Variants in YPEL5 observed in about 807,000 individuals in gnomAD.
YPEL5 encodes the protein yippee like 5, also known as protein yippee-like 5.
In YPEL5, 1 loss-of-function variant was observed where a neutral mutation model predicts 10.5. That is an observed-to-expected ratio of 0.10 (90% CI 0.03 to 0.45). The LOEUF is 0.45. Ranked by LOEUF, YPEL5 falls within the 20% of genes least tolerant of loss-of-function variation. The pLI, the probability that YPEL5 is intolerant of heterozygous loss-of-function variation, is 0.97. For missense variants in YPEL5, 68 were observed against 159.3 expected, an observed-to-expected ratio of 0.43 and a Z score of 3.09; for synonymous variants, 61 against 56.6, an observed-to-expected ratio of 1.08 and a Z score of -0.35.
At chr2:30,150,604 A>G (rs1269349053) in intron 1 of YPEL5, among the ~76,000 whole-genome samples, 1 of 152,204 alleles carries the variant, frequency 6.6e-6, no homozygotes, top group Non-Finnish European at 1.5e-5. Flanking sequence ...TGGTTACGGA[A>G]AGTTAAGGAT....
At chr2:30,155,003 T>A (rs569978126) in intron 1 of YPEL5, among the ~76,000 whole-genome samples, 2 of 152,124 alleles carry the variant, frequency 1.3e-5, no homozygotes, top group Non-Finnish European at 2.9e-5. Context: ...ACTCACAAAG[T>A]GCTGGGATTA....
At chr2:30,156,562 AC>A (rs1485469088) in intron 1 of YPEL5, 65 bp from the exon 2 acceptor site, 11 of 1,457,628 alleles carry the variant, frequency 7.5e-6, no homozygotes, top group Admixed American at 1.9e-5. Context: ...TCTCTATGAC[AC>A]CCCCCAAGTA....
intron 1 of YPEL5, chr2:30,156,283 C>T (rs1204174290): frequency 1.1e-5 from 2 of 189,124 alleles, no homozygotes; most frequent in East Asian, 2.6e-4. Context: ...CCTTTTTTCT[C>T]ACCTCTCTGC....
At chr2:30,149,797 C>CTGA (rs1310185088) in intron 1 of YPEL5, among the ~76,000 whole-genome samples, 1 of 152,224 alleles carries the variant, frequency 6.6e-6, no homozygotes, top group Non-Finnish European at 1.5e-5. Context: ...GTCCCATCTT[C>CTGA]TGATGCAATG....
Position 30,160,519 on chromosome 2 carries a change from A to G in YPEL5, c.*1676A>G, listed in dbSNP as rs1272891375. On this transcript the variant is annotated 3_prime_UTR_variant, in exon 3 of 3. Transcript: ENST00000261353. ...TGTGCATTTGCTGTCACAATAAAGTATATTTTGTCTTGCATTGATGCAGTA... is the reference window on the plus strand; with the variant it reads ...TGTGCATTTGCTGTCACAATAAAGTGTATTTTGTCTTGCATTGATGCAGTA... The G allele has an allele frequency of 2.0e-5, 3 of 152,234 alleles. No homozygotes were observed. The highest frequency in any genetic ancestry group is 4.4e-5 in the Non-Finnish European group (3 of 68,030). 9.4% of individuals were successfully genotyped at this position (152,234 alleles called of 1,614,324 possible).
At chr2:30,149,607 T>G (rs1675684380) in intron 1 of YPEL5, among the ~76,000 whole-genome samples, 1 of 152,264 alleles carries the variant, frequency 6.6e-6, no homozygotes, top group Admixed American at 6.5e-5. Context: ...GTTTTTATCC[T>G]TTGTTTTGGC....
At position 30,159,022 on chromosome 2, in the gene YPEL5, C is replaced by A; in HGVS notation, c.*179C>A. On this transcript the variant is annotated 3_prime_UTR_variant, in exon 3 of 3. Coordinates refer to ENST00000261353, the MANE Select transcript of YPEL5 (RefSeq NM_016061.3). ...CTTTTTTTTTAAATTTTGTATTTTC[C>A]ATCCAACAGCAGTGTGTAGAGAGAA... The A allele has an allele frequency of 7.7e-6, 5 of 645,454 alleles. No homozygotes were observed. The highest frequency in any genetic ancestry group is 1.3e-5 in the Non-Finnish European group (5 of 381,472). 40.0% of individuals were successfully genotyped at this position (645,454 alleles called of 1,614,324 possible).
chr2:30,151,045 G>A (rs1675763598), intron 1 of YPEL5, among the ~76,000 whole-genome samples: 1 of 152,124 alleles, frequency 6.6e-6, no homozygotes, highest in Non-Finnish European at 1.5e-5. Flanking sequence ...GAAACAGGTG[G>A]CGAGCTGAAT....
chr2:30,151,190 G>C (rs549622901), intron 1 of YPEL5, among the ~76,000 whole-genome samples: 3 of 152,256 alleles, frequency 2.0e-5, no homozygotes, highest in African/African-American at 7.2e-5. Flanking sequence ...TTTTATTGAT[G>C]TGGAAGCAAA....
chr2:30,158,847 T>C lies in YPEL5; in HGVS notation c.*4T>C. 1.2e-6 allele frequency: 2 copies of C among 1,613,286 alleles called. No homozygotes were observed. Among genetic ancestry groups the C allele is most frequent in the Non-Finnish European group, 1.7e-6 (2 of 1,179,282 alleles). ...TGTACCATCTGATAACTCTTGAAGA[T>C]ACAGAGAGAAATCCATCTTTTCCCA... On this transcript the variant is annotated 3_prime_UTR_variant, in exon 3 of 3. Coordinates refer to ENST00000261353, the MANE Select transcript of YPEL5 (RefSeq NM_016061.3).
At chr2:30,154,699 C>T (rs1181052524) in intron 1 of YPEL5, among the ~76,000 whole-genome samples, 1 of 152,142 alleles carries the variant, frequency 6.6e-6, no homozygotes, top group Non-Finnish European at 1.5e-5. Flanking sequence ...CTGTAGGCCT[C>T]GAATTTGCAA....
At chr2:30,150,308 G>A (rs1675723545) in intron 1 of YPEL5, among the ~76,000 whole-genome samples, 1 of 152,184 alleles carries the variant, frequency 6.6e-6, no homozygotes, top group African/African-American at 2.4e-5. Flanking sequence ...AGCATTCACT[G>A]TGTGCTAGGC....
chr2:30,150,245 A>G (rs1339419162), intron 1 of YPEL5, among the ~76,000 whole-genome samples: 1 of 152,184 alleles, frequency 6.6e-6, no homozygotes, highest in Non-Finnish European at 1.5e-5. Flanking sequence ...TCATAGGGTG[A>G]GTTGGGATGG....
intron 1 of YPEL5, chr2:30,147,373 C>G (rs1675471903): frequency 6.7e-6 from 1 of 148,384 alleles, no homozygotes. Context: ...GCAACCCCTC[C>G]GCGCGGCGCC....
rs1221456063 is a variant in YPEL5, at chr2:30,156,702, T to C, written c.51T>C (p.Cys17=). Residue 17 remains cysteine (C), a synonymous_variant, in exon 2 of 3, where the codon TGT becomes TGC. Coordinates refer to ENST00000261353, the MANE Select transcript of YPEL5 (RefSeq NM_016061.3). Reference sequence around the variant, plus strand: ...TCGGTGGTACCCGTCTGTTTTCTTGTGCAAACTGTGATACGATCCTGACCA... The same window carrying C: ...TCGGTGGTACCCGTCTGTTTTCTTGCGCAAACTGTGATACGATCCTGACCA... ...DHIGGTRLFS[C]ANCDTILTNR... is the part of the protein sequence containing the mutation. 4.3e-6 allele frequency: 7 copies of C among 1,614,062 alleles called. No individual in the cohort carries two copies. The highest frequency in any genetic ancestry group is 4.5e-5 in the East Asian group (2 of 44,900).
At chr2:30,149,719 C>A (rs1320972251) in intron 1 of YPEL5, among the ~76,000 whole-genome samples, 1 of 152,218 alleles carries the variant, frequency 6.6e-6, no homozygotes, top group East Asian at 1.9e-4. Context: ...GGGCAGGTTC[C>A]TTTAACCCTT....
intron 2 of YPEL5, among the ~76,000 whole-genome samples, chr2:30,158,400 G>A (rs1676135901): frequency 6.6e-6 from 1 of 152,202 alleles, no homozygotes; most frequent in African/African-American, 2.4e-5. Context: ...TAGTACGGTA[G>A]TGCATGATTG....
At chr2:30,152,323 A>G (rs1166125360) in intron 1 of YPEL5, among the ~76,000 whole-genome samples, 1 of 152,224 alleles carries the variant, frequency 6.6e-6, no homozygotes, top group South Asian at 2.1e-4. Context: ...AGTGGTACGT[A>G]TGAATGTATG....
rs191367290 is a variant in YPEL5 at position 30,156,889 on chromosome 2, G to T, written c.141+97G>T. 9 of 1,405,446 alleles carry T rather than the reference G, an allele frequency of 6.4e-6. No individual in the cohort carries two copies. In the East Asian group the frequency reaches 2.1e-4, roughly 32 times the overall value. 87.1% of individuals were successfully genotyped at this position (1,405,446 alleles called of 1,614,324 possible). A position where few individuals can be genotyped will look rare whatever the true frequency, so the allele number is the denominator to read the frequency against. The stretch of plus-strand genomic sequence containing the variant: ...TCAGAGCTTAGAGATACCAGGAAGA[G>T]TCAGAATGAGAGCTTGAAATCTACA... On this transcript the variant is annotated intron_variant, in intron 2 of 2. Transcript: ENST00000261353.
Sources: allele counts gnomAD v4.1 joint callset (sites outside exome capture counted in the v4.1 genomes callset), GRCh38; gene constraint gnomAD v4.1.1; transcripts MANE v1.5; gene names NCBI Gene and HGNC (gene_info 2026-07-23, HGNC 2026-07-21).